CRLS1: variants seen among roughly 807,000 people sequenced by gnomAD.
CRLS1 encodes the protein cardiolipin synthase (CMP-forming).
Under a neutral mutation model 37.0 loss-of-function variants are expected in CRLS1, and 24 were observed. The ratio of observed to expected loss-of-function variants is 0.65; its 90% CI spans 0.47 to 0.91. The LOEUF is 0.91. Ranked by LOEUF, CRLS1 falls within the 40% of genes least tolerant of loss-of-function variation. The probability of loss-of-function intolerance (pLI) is 0.00; values close to 1 mark genes in which losing one functional copy is unlikely to be tolerated. For synonymous variants in CRLS1, 135 were observed against 159.7 expected (o/e 0.85, Z 1.17); for missense variants, 373 against 395.8 (o/e 0.94, Z 0.49).
chr20:6,007,465 T>C, intron 1 of CRLS1: 1 of 1,549,114 alleles, frequency 6.5e-7, no homozygotes, highest in Non-Finnish European at 8.9e-7. Flanking sequence ...TTTGAAACTT[T>C]TACGGATTTA....
chr20:6,006,429 C>A lies in CRLS1; in HGVS notation c.183C>A (p.Pro61=). 2.8e-6 allele frequency: 4 copies of A among 1,406,156 alleles called. No homozygotes were observed. In the South Asian group the frequency reaches 6.1e-5, roughly 21 times the overall value. The allele number at this position is 1,406,156 out of a possible 1,614,324, so 87.1% of individuals were successfully genotyped here. A position where few individuals can be genotyped will look rare whatever the true frequency, so the allele number is the denominator to read the frequency against. The change falls in exon 1 of 7, where the codon CCC becomes CCA. Residue 61 remains proline, a synonymous_variant. Coordinates refer to ENST00000378863, the MANE Select transcript of CRLS1 (RefSeq NM_019095.6). ...CGGCCGCTCTTGGCTTGCGGCTGCC[C>A]GGGATCGGCCAGCGGAACCACTGTT... The part of the protein sequence containing the change: ...LRPAALGLRL[P]GIGQRNHCSG...
chr20:6,038,211 T>G lies in CRLS1; in HGVS notation c.*1053T>G, dbSNP rs764370720. 2.0e-5 allele frequency: 3 copies of G among 152,096 alleles called. No homozygotes were observed. Among genetic ancestry groups the G allele is most frequent in the Non-Finnish European group, 4.4e-5 (3 of 68,052 alleles). The allele number at this position is 152,096 out of a possible 1,614,324, so 9.4% of individuals were successfully genotyped here. A position where few individuals can be genotyped will look rare whatever the true frequency, so the allele number is the denominator to read the frequency against. On this transcript the variant is annotated 3_prime_UTR_variant, in exon 7 of 7. Transcript: ENST00000378863. ...GACTGTTGCTACACGTACATCATGT[T>G]TAGGAGAATGTGGGATATGGGGAAG... is the stretch of plus-strand genomic sequence containing the variant.
At chr20:6,017,135 C>T (rs2122952686) in intron 3 of CRLS1, among the ~76,000 whole-genome samples, 1 of 152,110 alleles carries the variant, frequency 6.6e-6, no homozygotes, top group East Asian at 1.9e-4. Context: ...CCACCATGTG[C>T]ATCACCACGC....
At chr20:6,015,922 C>A (rs1380521721) in intron 3 of CRLS1, 2 of 178,698 alleles carry the variant, frequency 1.1e-5, no homozygotes, top group East Asian at 3.2e-4. Context: ...ATTATGTAGA[C>A]CCTATTATGC....
rs190675619 is a variant in CRLS1 at position 6,032,547 on chromosome 20, G to A, written c.729+467G>A. 7.9e-5 allele frequency among the ~76,000 whole-genome samples: 12 copies of A among 152,106 alleles called. No homozygotes were observed. The East Asian group carries it at 2.1e-3, about 27-fold the overall frequency. On this transcript the variant is annotated intron_variant, in intron 5 of 6. Transcript: ENST00000378863. ...CACAGATTATGAAGAGTCCCTGGTG[G>A]TTTCACTCCCTCCTTCCCTGTGGTG...
chr20:6,017,403 T>C (rs1978843161), intron 3 of CRLS1, among the ~76,000 whole-genome samples: 1 of 152,210 alleles, frequency 6.6e-6, no homozygotes, highest in Non-Finnish European at 1.5e-5. Flanking sequence ...CTTTAAAAAG[T>C]TATCTCTCTT....
intron 3 of CRLS1, among the ~76,000 whole-genome samples, chr20:6,022,032 AT>A (rs1249751783): frequency 6.6e-6 from 1 of 152,146 alleles, no homozygotes; most frequent in East Asian, 1.9e-4. Flanking sequence ...TACAATGTTC[AT>A]TTAAATTTAT....
In CRLS1 at chr20:6,037,119, T is replaced by G. The variant is rs149380663; in HGVS notation, c.867T>G (p.Tyr289Ter). The G allele has an allele frequency of 1.9e-5, 31 of 1,613,606 alleles. No homozygotes were observed. The highest frequency in any genetic ancestry group is 2.5e-5 in the Non-Finnish European group (29 of 1,179,852). The change falls in exon 7 of 7, where the codon TAT becomes TAG. Residue 289 changes from tyrosine (Y) to a stop codon, truncating the protein, a stop_gained. Coordinates refer to ENST00000378863, the MANE Select transcript of CRLS1 (RefSeq NM_019095.6). LOFTEE classifies it high-confidence loss of function. Reference sequence around the variant, plus strand: ...CAGCTGCATCAGCTTATAGTTACTATCATTATGGCCGGAAGACTGTTCAGG... The same window carrying G: ...CAGCTGCATCAGCTTATAGTTACTAGCATTATGGCCGGAAGACTGTTCAGG... The part of the protein sequence containing the change: ...FTTAASAYSY[Y>*]HYGRKTVQVI...
intron 3 of CRLS1, among the ~76,000 whole-genome samples, chr20:6,019,766 A>G (rs559846051): frequency 1.5e-5 from 2 of 134,080 alleles, no homozygotes; most frequent in East Asian, 4.4e-4. Context: ...GGTTCATGTG[A>G]TTCTCCTGCC....
At chr20:6,007,169 T>C in intron 1 of CRLS1, 1 of 1,307,806 alleles carries the variant, frequency 7.6e-7, no homozygotes, top group Non-Finnish European at 1.0e-6. Context: ...GTGGGAGAGC[T>C]TTTGATGTCA....
chr20:6,016,629 AG>A (rs1978775795), intron 3 of CRLS1, among the ~76,000 whole-genome samples: 1 of 152,240 alleles, frequency 6.6e-6, no homozygotes, highest in African/African-American at 2.4e-5. Flanking sequence ...TATTTTACAA[AG>A]GTTGGCCAGT....
chr20:6,011,234 A>G (rs2090127928), intron 2 of CRLS1, among the ~76,000 whole-genome samples: 1 of 152,184 alleles, frequency 6.6e-6, no homozygotes, highest in Non-Finnish European at 1.5e-5. Context: ...AGCTTTGCTC[A>G]ATATTTATTG....
rs959913500 is a variant in CRLS1 at position 6,037,468 on chromosome 20, C to T, written c.*310C>T. The T allele has an allele frequency of 5.4e-5, 10 of 184,800 alleles. No homozygotes were observed. Among genetic ancestry groups the T allele is most frequent in the Non-Finnish European group, 1.0e-4 (9 of 89,748 alleles). 11.4% of individuals were successfully genotyped at this position (184,800 alleles called of 1,614,324 possible). A position where few individuals can be genotyped will look rare whatever the true frequency, so the allele number is the denominator to read the frequency against. On this transcript the variant is annotated 3_prime_UTR_variant, in exon 7 of 7. Coordinates refer to ENST00000378863, the MANE Select transcript of CRLS1 (RefSeq NM_019095.6). ...TTTGTATGTTTTTTAAAAACATAGTCCAGAGCATGGGCAGAATTGACACCT... is the reference window on the plus strand; with the variant it reads ...TTTGTATGTTTTTTAAAAACATAGTTCAGAGCATGGGCAGAATTGACACCT...
At chr20:6,022,325 TA>T in intron 3 of CRLS1, among the ~76,000 whole-genome samples, 1 of 149,970 alleles carries the variant, frequency 6.7e-6, no homozygotes, top group Admixed American at 6.8e-5. Flanking sequence ...AATCAGCTGT[TA>T]ATCCATTGCT....
chr20:6,021,161 G>T (rs903448246), intron 3 of CRLS1, among the ~76,000 whole-genome samples: 1 of 151,072 alleles, frequency 6.6e-6, no homozygotes, highest in Non-Finnish European at 1.5e-5. Flanking sequence ...CTGCCACCTG[G>T]GTCCAAGTGA....
chr20:6,019,382 AT>A (rs1979032287), intron 3 of CRLS1, among the ~76,000 whole-genome samples: 1 of 151,940 alleles, frequency 6.6e-6, no homozygotes. Context: ...AACTTTATTT[AT>A]TTACTTACTA....
At chr20:6,016,763 CA>C (rs1978788534) in intron 3 of CRLS1, among the ~76,000 whole-genome samples, 2 of 152,174 alleles carry the variant, frequency 1.3e-5, no homozygotes, top group African/African-American at 4.8e-5. Flanking sequence ...CCTTCACTGG[CA>C]ATCTTAGAGT....
rs893339395 is a variant in CRLS1, at chr20:6,028,343, A to G, written c.575-2942A>G. On this transcript the variant is annotated intron_variant, in intron 3 of 6. Coordinates refer to ENST00000378863, the MANE Select transcript of CRLS1 (RefSeq NM_019095.6). ...GGAAGGCAAATCCAAGTTAATTTCT[A>G]CTTAGATTTATGTCCACTGAACTTA... is the stretch of plus-strand genomic sequence containing the variant. 2.0e-4 allele frequency: 30 copies of G among 152,128 alleles called. 1 individual carries two copies. The highest frequency in any genetic ancestry group is 5.9e-4 in the Admixed American group (9 of 15,282). 9.4% of individuals were successfully genotyped at this position (152,128 alleles called of 1,614,324 possible).
At position 6,007,405 on chromosome 20, in the gene CRLS1, C is replaced by G. The variant is rs533359179; in HGVS notation, c.306+853C>G. Reference sequence around the variant, plus strand: ...GAACGGCAGTAGTTGGTCGAGTATGCCACAGGTTATCTGGTTGAGTAATCT... The same window carrying G: ...GAACGGCAGTAGTTGGTCGAGTATGGCACAGGTTATCTGGTTGAGTAATCT... On this transcript the variant is annotated intron_variant, in intron 1 of 6. Transcript: ENST00000378863. The G allele has an allele frequency of 2.3e-4, 365 of 1,613,452 alleles. 4 individuals carry two copies. The South Asian group carries it at 3.8e-3, about 17-fold the overall frequency.
Sources: allele counts gnomAD v4.1 joint callset (sites outside exome capture counted in the v4.1 genomes callset), GRCh38; gene constraint gnomAD v4.1.1; transcripts MANE v1.5; gene names NCBI Gene and HGNC (gene_info 2026-07-23, HGNC 2026-07-21).